MOK: variants seen among roughly 807,000 people sequenced by gnomAD.
The protein encoded by MOK is MAPK/MAK/MRK overlapping kinase.
In MOK, 59 loss-of-function variants were observed where a neutral mutation model predicts 54.2. The ratio of observed to expected loss-of-function variants is 1.09; its 90% confidence interval spans 0.88 to 1.35. The LOEUF is 1.35. Ranked by LOEUF, MOK falls within the 40% of genes most tolerant of loss-of-function variation. MOK has a pLI of 0.00. For synonymous variants in MOK, 210 were observed against 202.7 expected, an observed-to-expected ratio of 1.04 and a Z score of -0.31; for missense variants, 517 against 526.2, an observed-to-expected ratio of 0.98 and a Z score of 0.17.
intron 8 of MOK, 88 bp downstream of exon 8, chr14:102,233,600 T>A: frequency 1.7e-6 from 2 of 1,166,474 alleles, no homozygotes; most frequent in East Asian, 4.7e-5. Context: ...CTGAGAGGGG[T>A]TTGAGGGAGG....
At chr14:102,289,186 C>T (rs1044390534) in intron 1 of MOK, among the ~76,000 whole-genome samples, 1 of 151,624 alleles carries the variant, frequency 6.6e-6, no homozygotes, top group East Asian at 2.0e-4. Flanking sequence ...ATTACAGGCA[C>T]GAGCCACTGC....
chr14:102,284,569 T>C (rs763170334), intron 1 of MOK, among the ~76,000 whole-genome samples: 1 of 152,112 alleles, frequency 6.6e-6, no homozygotes, highest in Non-Finnish European at 1.5e-5. Flanking sequence ...TCACCAGTTG[T>C]AAAAGTTTCT....
rs1278689770 is a variant in MOK, at chr14:102,295,525, T to C, written c.7+9437A>G. ...TTCACCAGTAGAGGGAGGAAAAGAA[T>C]TGGGGGAGGTTAATTGCTGACTACA... is the stretch of plus-strand genomic sequence containing the variant. On this transcript the variant is annotated intron_variant, in intron 1 of 11. Transcript: ENST00000361847. 1.1e-4 allele frequency among the ~76,000 whole-genome samples: 16 copies of C among 152,198 alleles called. 1 individual carries two copies.
chr14:102,282,911 C>T (rs780581300), intron 2 of MOK, among the ~76,000 whole-genome samples: 3 of 151,686 alleles, frequency 2.0e-5, no homozygotes, highest in Non-Finnish European at 4.4e-5. Context: ...AATAATTAGC[C>T]GGGCTTGGTG....
chr14:102,274,713 G>A (rs550411265), intron 2 of MOK, among the ~76,000 whole-genome samples: 24 of 151,348 alleles, frequency 1.6e-4, no homozygotes, highest in African/African-American at 2.2e-4. Context: ...GGTAACTCAC[G>A]CCTGTAATCC....
chr14:102,262,231 C>A (rs1013430697), intron 4 of MOK, among the ~76,000 whole-genome samples: 1 of 152,134 alleles, frequency 6.6e-6, no homozygotes, highest in South Asian at 2.1e-4. Context: ...CTGCAACCCC[C>A]GCCTCCTAGG....
At chr14:102,291,681 G>C (rs1487380034) in intron 1 of MOK, among the ~76,000 whole-genome samples, 1 of 152,226 alleles carries the variant, frequency 6.6e-6, no homozygotes, top group Non-Finnish European at 1.5e-5. Flanking sequence ...TTGCAGCCAA[G>C]TGCGGTGGCT....
intron 2 of MOK, among the ~76,000 whole-genome samples, chr14:102,282,390 G>A (rs1488676353): frequency 2.0e-5 from 3 of 151,984 alleles, no homozygotes; most frequent in Non-Finnish European, 2.9e-5. Flanking sequence ...TTCACAGTTA[G>A]TTAAATTGCA....
chr14:102,270,030 T>G (rs2068226702), intron 2 of MOK, among the ~76,000 whole-genome samples: 1 of 152,214 alleles, frequency 6.6e-6, no homozygotes, highest in African/African-American at 2.4e-5. Context: ...TGCTGGACCA[T>G]AAGGTAAGTC....
chr14:102,217,306 C>T, the MOK span, among the ~76,000 whole-genome samples: 3 of 152,202 alleles, frequency 2.0e-5, no homozygotes, highest in Non-Finnish European at 4.4e-5. Context: ...CTGACTTGCA[C>T]ACGTTCTCTC....
intron 1 of MOK, among the ~76,000 whole-genome samples, chr14:102,295,143 C>T (rs1429604964): frequency 6.6e-6 from 1 of 152,098 alleles, no homozygotes; most frequent in Non-Finnish European, 1.5e-5. Context: ...GGGAACAGAG[C>T]TATGATACTG....
chr14:102,287,072 C>T (rs2070202195), intron 1 of MOK, among the ~76,000 whole-genome samples: 1 of 152,140 alleles, frequency 6.6e-6, no homozygotes, highest in East Asian at 1.9e-4. Context: ...ATGATTTTCA[C>T]TGTTTTATTT....
At chr14:102,227,637 G>A (rs1446557349), downstream of MOK, among the ~76,000 whole-genome samples, 2 of 152,218 alleles carry the variant, frequency 1.3e-5, no homozygotes, top group Admixed American at 6.5e-5. Flanking sequence ...TGAACATTAC[G>A]GCAAGCCTCA....
intron 4 of MOK, among the ~76,000 whole-genome samples, chr14:102,253,685 T>C (rs2066709223): frequency 6.6e-6 from 1 of 152,178 alleles, no homozygotes; most frequent in Non-Finnish European, 1.5e-5. Flanking sequence ...CTTGAAGACG[T>C]CATACCACAT....
intron 6 of MOK, 198 bp downstream of exon 6, chr14:102,251,558 A>G: frequency 1.5e-6 from 1 of 654,250 alleles, no homozygotes; most frequent in South Asian, 1.5e-5. Flanking sequence ...ATTTTCTTCC[A>G]GGTGCAGTCA....
At chr14:102,226,392 C>CG (rs1249897617), downstream of MOK, 2 of 702,938 alleles carry the variant, frequency 2.8e-6, no homozygotes, top group Admixed American at 4.0e-5. This position sits in a 1 kb window ranked among gnomAD's most constrained non-coding sequence, Gnocchi z 4.8. Context: ...GCCTCATCCT[C>CG]GCTTCCGTTC....
chr14:102,285,082 C>CA (rs34015643), intron 1 of MOK, among the ~76,000 whole-genome samples: 18,155 of 65,426 alleles, frequency 0.28, 2,692 homozygotes, highest in African/African-American at 0.46. Context: ...GATGTCATCT[C>CA]AAAAAAAAAA....
chr14:102,272,120 C>T (rs2068423118), intron 2 of MOK, among the ~76,000 whole-genome samples: 1 of 152,192 alleles, frequency 6.6e-6, no homozygotes, highest in African/African-American at 2.4e-5. Context: ...ATCCTCCCAC[C>T]TCAGCCTCCC....
At chr14:102,291,975 C>A (rs1234508018) in intron 1 of MOK, among the ~76,000 whole-genome samples, 4 of 148,474 alleles carry the variant, frequency 2.7e-5, no homozygotes, top group Non-Finnish European at 3.0e-5. Context: ...AAAAAACTAA[C>A]AATAATAATA....
Sources: gnomAD v4.1 joint callset for allele counts (sites outside exome capture counted in the v4.1 genomes callset) on GRCh38, gnomAD v4.1.1 for gene constraint, Gnocchi (gnomAD v3.1) non-coding constraint, MANE v1.5 for transcripts, NCBI Gene and HGNC (gene_info 2026-07-23, HGNC 2026-07-21) for gene names.